MTMR10: variants seen among roughly 807,000 people sequenced by gnomAD.
The protein encoded by MTMR10 is myotubularin-related protein 10.
In MTMR10, 56 loss-of-function variants were observed where a neutral mutation model predicts 88.1. The ratio of observed to expected loss-of-function variants is 0.64; its 90% CI spans 0.51 to 0.79. MTMR10 has a LOEUF of 0.79. Among genes scored for constraint, MTMR10 ranks in the 30% least tolerant of loss-of-function variants. MTMR10 has a pLI of 0.00. For synonymous variants in MTMR10, 380 were observed against 340.9 expected, an observed-to-expected ratio of 1.11 and a Z score of -1.26; for missense variants, 883 against 924.7, an observed-to-expected ratio of 0.95 and a Z score of 0.58.
At chr15:30,981,415 G>A (rs1460493199) in intron 2 of MTMR10, among the ~76,000 whole-genome samples, 1 of 152,012 alleles carries the variant, frequency 6.6e-6, no homozygotes, top group African/African-American at 2.4e-5. Context: ...GATGTCTTGT[G>A]CCTGCTCACA....
intron 5 of MTMR10, among the ~76,000 whole-genome samples, chr15:30,969,813 A>G (rs1056736764): frequency 1.3e-5 from 2 of 152,114 alleles, no homozygotes; most frequent in South Asian, 4.1e-4. Context: ...AGAGAAAAAC[A>G]GGTTTGAACA....
chr15:30,941,769 A>G lies in MTMR10; in HGVS notation c.2035T>C (p.Phe679Leu), dbSNP rs1595903004. The G allele has an allele frequency of 6.2e-7, 1 of 1,613,998 alleles. No homozygotes were observed. The highest frequency in any genetic ancestry group is 8.5e-7 in the Non-Finnish European group (1 of 1,179,880). ...QISLGGSITA[F>L]HKLSLLADEV... Reference sequence around the variant, plus strand: ...TCAGCCAGGAGGGAGAGCTTGTGAAAGGCTGTGATGGAGCCACCCAGGCTG... The same window carrying G: ...TCAGCCAGGAGGGAGAGCTTGTGAAGGGCTGTGATGGAGCCACCCAGGCTG... Residue 679 changes from phenylalanine (F) to leucine (L), a missense_variant, in exon 16 of 16, where the codon TTT becomes CTT. Physicochemically the swap from Phe to Leu is conservative, Grantham distance 22 (BLOSUM62 0). This residue lies in a region of MTMR10 where 343 missense variants were observed against 323.2 expected (regional missense o/e 1.06). Transcript: ENST00000435680.
chr15:30,991,466 T>C lies in MTMR10; in HGVS notation c.41A>G (p.Tyr14Cys), dbSNP rs780193801. Residue 14 changes from tyrosine (Y) to cysteine (C), a missense_variant, in exon 1 of 16, where the codon TAC (tyrosine) becomes TGC (cysteine). Physicochemically the swap from Tyr to Cys is radical, Grantham distance 194. Around this residue, in one of 3 missense-constraint regions of MTMR10, gnomAD observed 414 missense variants for 423.2 expected, o/e 0.98. Transcript: ENST00000435680. The part of the protein sequence containing the change: ...LKPPKPTFRS[Y>C]LLPPPQTDDK... ...GTTTACCTGGGGCGGTGGCAGGAGG[T>C]AGGACCTGAAGGTGGGTTTGGGCGG... 8.0e-6 allele frequency: 12 copies of C among 1,508,388 alleles called. No homozygotes were observed. The highest frequency in any genetic ancestry group is 4.4e-5 in the African/African-American group (3 of 67,500). 93.4% of individuals were successfully genotyped at this position (1,508,388 alleles called of 1,614,324 possible).
the MTMR10 span, chr15:30,928,660 C>G: frequency 1.9e-6 from 3 of 1,613,942 alleles, no homozygotes; most frequent in South Asian, 2.2e-5. Context: ...CTGTCAGGTA[C>G]TCCAGTGCCC....
chr15:30,965,101 T>G (rs2063457507), intron 6 of MTMR10, among the ~76,000 whole-genome samples: 1 of 152,222 alleles, frequency 6.6e-6, no homozygotes, highest in African/African-American at 2.4e-5. Flanking sequence ...TGGCTGCATT[T>G]CTAAAGGTTC....
At chr15:30,957,722 G>A (rs2063346720) in intron 9 of MTMR10, among the ~76,000 whole-genome samples, 2 of 152,080 alleles carry the variant, frequency 1.3e-5, no homozygotes, top group African/African-American at 4.8e-5. Context: ...AAAGAAACAA[G>A]GAGTGCCAAG....
intron 5 of MTMR10, among the ~76,000 whole-genome samples, chr15:30,969,184 A>G (rs2141038598): frequency 1.3e-5 from 2 of 152,228 alleles, no homozygotes; most frequent in East Asian, 3.9e-4. Flanking sequence ...AAAGTCTTCT[A>G]TAGAATAAAT....
intron 2 of MTMR10, among the ~76,000 whole-genome samples, chr15:30,983,567 T>C (rs926039610): frequency 2.0e-5 from 3 of 152,186 alleles, no homozygotes; most frequent in Non-Finnish European, 4.4e-5. Flanking sequence ...CATTTTAGGT[T>C]GGAACACAGT....
intron 2 of MTMR10, among the ~76,000 whole-genome samples, chr15:30,981,153 C>A (rs948412104): frequency 2.6e-5 from 4 of 152,224 alleles, no homozygotes; most frequent in Non-Finnish European, 4.4e-5. Flanking sequence ...TGTATAAGCA[C>A]AAAGCTATCT....
chr15:30,943,361 T>G (rs2063114472), intron 14 of MTMR10: 1 of 985,042 alleles, frequency 1.0e-6, no homozygotes, highest in Non-Finnish European at 1.2e-6. Flanking sequence ...GAAGTTTCAC[T>G]AACATGATAC....
chr15:30,974,943 G>T lies in MTMR10; in HGVS notation c.319C>A (p.Gln107Lys). 3 of 1,568,762 alleles carry T rather than the reference G, an allele frequency of 1.9e-6. No homozygotes were observed. The highest frequency in any genetic ancestry group is 2.6e-6 in the Non-Finnish European group (3 of 1,153,590). ...GAATACTACGTACCTGTGACAATTTGCTCAATACATGTTAAAGGGACATCG... is the reference window on the plus strand; with the variant it reads ...GAATACTACGTACCTGTGACAATTTTCTCAATACATGTTAAAGGGACATCG... ...EHDVPLTCIEQIVTVNDHKRK... is the reference protein window; with the variant it reads ...EHDVPLTCIEKIVTVNDHKRK... The change falls in exon 4 of 16, where the codon CAA becomes AAA. Residue 107 changes from glutamine to lysine, a missense_variant. By Grantham distance (53) the Gln-to-Lys change is moderately conservative (BLOSUM62 1). This residue lies in a region of MTMR10 where 414 missense variants were observed against 423.2 expected (regional missense o/e 0.98). Coordinates refer to ENST00000435680, the MANE Select transcript of MTMR10 (RefSeq NM_017762.3).
chr15:30,924,751 C>T, the MTMR10 span, among the ~76,000 whole-genome samples: 8 of 140,944 alleles, frequency 5.7e-5, no homozygotes, highest in African/African-American at 1.1e-4. Context: ...TGTGTGGATC[C>T]GGGGTGGGAC....
chr15:30,922,351 A>ACCGGT, the MTMR10 span: 4 of 1,600,104 alleles, frequency 2.5e-6, no homozygotes, highest in Non-Finnish European at 3.4e-6. Context: ...AGCGCCTGGA[A>ACCGGT]CCGGTACTCA....
chr15:30,956,006 T>TA lies in MTMR10; in HGVS notation c.936-1114_936-1113insT, dbSNP rs2063323004. Among the ~76,000 whole-genome samples, 11 of 151,014 alleles carry TA rather than the reference T, an allele frequency of 7.3e-5. 1 individual carries two copies. In the South Asian group the frequency reaches 2.3e-3, roughly 31 times the overall value. Reference sequence around the variant, plus strand: ...CAAAACAAAACCCTGCTGTTGTTTTTTTTTTTCCTGAATAGAAAAAGTAAT... The same window carrying TA: ...CAAAACAAAACCCTGCTGTTGTTTTTATTTTTTCCTGAATAGAAAAAGTAAT... On this transcript the variant is annotated intron_variant, in intron 9 of 15. Transcript: ENST00000435680.
intron 11 of MTMR10, among the ~76,000 whole-genome samples, chr15:30,952,298 T>C (rs1195305137): frequency 6.6e-6 from 1 of 152,248 alleles, no homozygotes. Flanking sequence ...TGAATGCACA[T>C]AGCTTTCGCA....
chr15:30,938,752 A>G (rs1257603742), downstream of MTMR10, among the ~76,000 whole-genome samples: 1 of 152,118 alleles, frequency 6.6e-6, no homozygotes, highest in Non-Finnish European at 1.5e-5. Context: ...ATGATCTATC[A>G]ATATCCACAT....
In MTMR10 at chr15:30,940,799, T is replaced by C; in HGVS notation, c.*671A>G. The stretch of plus-strand genomic sequence containing the variant: ...AGTGAAATTATATTTTCTTCTGTAA[T>C]ATTTGTATCCTAAAGTCAAAGGCAC... On this transcript the variant is annotated 3_prime_UTR_variant, in exon 16 of 16. Transcript: ENST00000435680. 1 of 986,526 alleles carries C rather than the reference T, an allele frequency of 1.0e-6. No homozygotes were observed. The highest frequency in any genetic ancestry group is 1.8e-5 in the African/African-American group (1 of 56,684). 61.1% of individuals were successfully genotyped at this position (986,526 alleles called of 1,614,324 possible). A position where few individuals can be genotyped will look rare whatever the true frequency, so the allele number is the denominator to read the frequency against.
chr15:30,981,532 C>G (rs2030571877), intron 2 of MTMR10, among the ~76,000 whole-genome samples: 1 of 152,222 alleles, frequency 6.6e-6, no homozygotes, highest in Non-Finnish European at 1.5e-5. Flanking sequence ...AGGCATACTA[C>G]AAGACACTAC....
chr15:30,925,807 CTGTGCCCACAGCGTGGGA>C, the MTMR10 span: 3 of 1,614,054 alleles, frequency 1.9e-6, no homozygotes, highest in Non-Finnish European at 2.5e-6. Context: ...CACAGGCAGG[CTGTGCCCACAGCGTGGGA>C]TGTGCAAGTC....
Sources: gnomAD v4.1 joint callset for allele counts (sites outside exome capture counted in the v4.1 genomes callset) on GRCh38, gnomAD v4.1.1 for gene constraint, gnomAD v4.1.1 regional missense constraint, MANE v1.5 for transcripts, NCBI Gene and HGNC (gene_info 2026-07-23, HGNC 2026-07-21) for gene names.